The following ANXA6 variants were observed in gnomAD, a reference collection of about 807,000 sequenced individuals.
ANXA6 encodes 67 kDa calelectrin.
Under a neutral mutation model 95.4 loss-of-function variants are expected in ANXA6, and 71 were observed. The observed-to-expected ratio is 0.74, with a 90% CI of 0.61 to 0.91. The LOEUF (loss-of-function observed/expected upper bound fraction) is 0.91, where lower values mean the gene tolerates loss of function less well. Ranked by LOEUF, ANXA6 falls within the 40% of genes least tolerant of loss-of-function variation. The pLI is 0.00. For missense variants in ANXA6, 830 were observed against 876.4 expected (o/e 0.95, Z 0.67); for synonymous variants, 289 against 315.9 (o/e 0.91, Z 0.90).
At chr5:151,124,479 C>T (rs1053912332) in intron 14 of ANXA6, 112 bp from the exon 15 acceptor site, 4 of 975,260 alleles carry the variant, frequency 4.1e-6, no homozygotes, top group Non-Finnish European at 6.3e-6. Context: ...AACCAAGCGG[C>T]GTGGGTGGGG....
chr5:151,140,571 G>A (rs1285571761), intron 2 of ANXA6: 1 of 131,286 alleles, frequency 7.6e-6, no homozygotes, highest in Non-Finnish European at 1.5e-5. Flanking sequence ...AGAATAGCAA[G>A]AGTCAAATAT....
rs1365807951 is a variant in ANXA6 at position 151,131,260 on chromosome 5, A to G, written c.766T>C (p.Phe256Leu). Residue 256 changes from phenylalanine (F) to leucine (L), a missense_variant, in exon 11 of 26, where the codon TTT becomes CTT. Physicochemically the swap from Phe to Leu is conservative, Grantham distance 22. Coordinates refer to ENST00000354546, the MANE Select transcript of ANXA6 (RefSeq NM_001155.5). ...VKCIRSTPEY[F>L]AERLFKAMKG... ...ATAGCCTTGAAGAGCCTTTCAGCAA[A>G]ATATTCCGGGGTGCTCCGGATACAC... 4.3e-6 allele frequency: 7 copies of G among 1,613,890 alleles called. No individual in the cohort carries two copies. Among genetic ancestry groups the G allele is most frequent in the Non-Finnish European group, 5.9e-6 (7 of 1,179,900 alleles).
intron 2 of ANXA6, among the ~76,000 whole-genome samples, chr5:151,146,263 C>T (rs1042973817): frequency 8.5e-5 from 13 of 152,190 alleles, no homozygotes. Flanking sequence ...AGTTCAAATG[C>T]CTTTCAGGAA....
rs572344585 is a variant in ANXA6, at chr5:151,101,042, C to T, written c.*406G>A. 1.3e-5 allele frequency: 6 copies of T among 469,386 alleles called. No individual in the cohort carries two copies. Among genetic ancestry groups the T allele is most frequent in the South Asian group, 4.6e-5 (3 of 64,652 alleles). The allele number at this position is 469,386 out of a possible 1,614,324, so 29.1% of individuals were successfully genotyped here. On this transcript the variant is annotated 3_prime_UTR_variant, in exon 26 of 26. Coordinates refer to ENST00000354546, the MANE Select transcript of ANXA6 (RefSeq NM_001155.5). The stretch of plus-strand genomic sequence containing the variant: ...ACATTTACTATCCTTCCCACCACCC[C>T]GCCCAGCACATTCAACTGGCCCCTG...
chr5:151,147,660 A>G (rs899752808), intron 2 of ANXA6, among the ~76,000 whole-genome samples: 4 of 152,214 alleles, frequency 2.6e-5, no homozygotes, highest in Non-Finnish European at 5.9e-5. Flanking sequence ...AGATAAGCCA[A>G]TACACATCCT....
chr5:151,116,347 G>A (rs1465859969), intron 20 of ANXA6, among the ~76,000 whole-genome samples: 1 of 152,242 alleles, frequency 6.6e-6, no homozygotes, highest in Non-Finnish European at 1.5e-5. Flanking sequence ...AAGAGATGGA[G>A]ACATGGACCT....
chr5:151,118,981 G>A (rs1765085466), intron 18 of ANXA6, among the ~76,000 whole-genome samples: 1 of 152,174 alleles, frequency 6.6e-6, no homozygotes, highest in Non-Finnish European at 1.5e-5. Context: ...ACCAAGTGTG[G>A]GGCCCTTCTG....
chr5:151,154,714 T>C (rs1048997458), intron 1 of ANXA6, among the ~76,000 whole-genome samples: 2 of 152,162 alleles, frequency 1.3e-5, no homozygotes, highest in Admixed American at 6.5e-5. Context: ...GAGCAGTGTC[T>C]TTTCCTCTCC....
intron 20 of ANXA6, among the ~76,000 whole-genome samples, chr5:151,113,496 T>C (rs1764908159): frequency 6.6e-6 from 1 of 152,188 alleles, no homozygotes; most frequent in Non-Finnish European, 1.5e-5. Flanking sequence ...AACGGTATCA[T>C]TTTTAAAAAG....
intron 8 of ANXA6, among the ~76,000 whole-genome samples, chr5:151,133,560 A>G (rs1765577657): frequency 6.6e-6 from 1 of 152,240 alleles, no homozygotes; most frequent in Non-Finnish European, 1.5e-5. Context: ...GTATCCAAAC[A>G]TAAATAATCA....
intron 2 of ANXA6, among the ~76,000 whole-genome samples, chr5:151,144,505 G>C (rs1765925614): frequency 6.6e-6 from 1 of 152,138 alleles, no homozygotes; most frequent in South Asian, 2.1e-4. Context: ...TCATGGGATT[G>C]TAAGCTGCCG....
chr5:151,132,463 C>A lies in ANXA6; in HGVS notation c.736+13G>T, dbSNP rs370193755. The A allele has an allele frequency of 1.2e-6, 2 of 1,604,602 alleles. No individual in the cohort carries two copies. The highest frequency in any genetic ancestry group is 3.4e-5 in the Admixed American group (2 of 58,796). On this transcript the variant is annotated intron_variant, in intron 10 of 25. Transcript: ENST00000354546. ...TCCCCTAAAGCCCCCAGGAATGCAACGTCAGGACATACCTACGGCCAGCAT... is the reference window on the plus strand; with the variant it reads ...TCCCCTAAAGCCCCCAGGAATGCAAAGTCAGGACATACCTACGGCCAGCAT...
At chr5:151,119,413 A>T in intron 17 of ANXA6, 23 bp from the exon 18 acceptor site, 1 of 1,609,128 alleles carries the variant, frequency 6.2e-7, no homozygotes, top group Non-Finnish European at 8.5e-7. Flanking sequence ...GGCAAAGATG[A>T]TCTCAGCCAT....
At chr5:151,104,409 G>C (rs936197554) in intron 24 of ANXA6, among the ~76,000 whole-genome samples, 7 of 152,220 alleles carry the variant, frequency 4.6e-5, no homozygotes, top group African/African-American at 1.7e-4. Context: ...AGGAGTCAGA[G>C]CTAGGTTCGA....
At chr5:151,148,696 C>G (rs1257597705) in intron 1 of ANXA6, among the ~76,000 whole-genome samples, 1 of 152,184 alleles carries the variant, frequency 6.6e-6, no homozygotes, top group Non-Finnish European at 1.5e-5. Context: ...AAGGCTTGGT[C>G]AGGAAAGTGA....
At chr5:151,105,147 C>A in intron 24 of ANXA6, 98 bp downstream of exon 24, 1 of 1,170,586 alleles carries the variant, frequency 8.5e-7, no homozygotes, top group Non-Finnish European at 1.3e-6. Flanking sequence ...GAAACAGCTG[C>A]CAGGAATCCT....
At chr5:151,152,791 A>G (rs922856043) in intron 1 of ANXA6, among the ~76,000 whole-genome samples, 9 of 152,134 alleles carry the variant, frequency 5.9e-5, no homozygotes, top group South Asian at 2.1e-4. Flanking sequence ...TCTGGATTCA[A>G]TGGAATGGAG....
At chr5:151,109,684 A>T (rs1212455425) in intron 22 of ANXA6, 69 bp downstream of exon 22, 8 of 1,280,840 alleles carry the variant, frequency 6.2e-6, no homozygotes, top group Admixed American at 1.9e-5. Context: ...TGCCACAGAG[A>T]GCTGAGAGGC....
intron 1 of ANXA6, chr5:151,155,248 T>C (rs1291546641): frequency 6.6e-6 from 1 of 152,152 alleles, no homozygotes; most frequent in East Asian, 1.9e-4. Context: ...TACCATTTTA[T>C]TGCTATTATT....
Sources: allele counts gnomAD v4.1 joint callset (sites outside exome capture counted in the v4.1 genomes callset), GRCh38; gene constraint gnomAD v4.1.1; transcripts MANE v1.5; gene names NCBI Gene and HGNC (gene_info 2026-07-23, HGNC 2026-07-21).